Variants in MTHFD1L observed in about 807,000 individuals in gnomAD.
MTHFD1L encodes the protein methylenetetrahydrofolate dehydrogenase (NADP+ dependent) 1 like.
A neutral mutation model predicts 119.5 loss-of-function variants in MTHFD1L; 81 were observed. The observed-to-expected ratio is 0.68, with a 90% confidence interval of 0.57 to 0.82. The LOEUF (loss-of-function observed/expected upper bound fraction) is 0.82, where lower values mean the gene tolerates loss of function less well. Among genes scored for constraint, MTHFD1L ranks in the 40% least tolerant of loss-of-function variants. MTHFD1L has a pLI of 0.00. For missense variants in MTHFD1L, 1,125 were observed against 1,253.4 expected (o/e 0.90, Z 1.55); for synonymous variants, 430 against 475.2 (o/e 0.90, Z 1.24).
chr6:151,026,893 A>ATCTCAGCTCACTGCAG (rs1200532823), intron 24 of MTHFD1L, among the ~76,000 whole-genome samples: 4 of 125,052 alleles, frequency 3.2e-5, no homozygotes. Context: ...CAGTGGCACG[A>ATCTCAGCTCACTGCAG]TCTCAGCTCA....
At chr6:150,915,542 A>C (rs376365778) in intron 8 of MTHFD1L, among the ~76,000 whole-genome samples, 1 of 152,190 alleles carries the variant, frequency 6.6e-6, no homozygotes, top group African/African-American at 2.4e-5. Flanking sequence ...AAATTCTGGA[A>C]ATATGCATTT....
intron 24 of MTHFD1L, among the ~76,000 whole-genome samples, chr6:151,028,796 C>T (rs1409148336): frequency 6.6e-6 from 1 of 152,172 alleles, no homozygotes; most frequent in Non-Finnish European, 1.5e-5. Context: ...GTAAATTAGG[C>T]CAGGCATGGT....
At chr6:151,077,555 T>C (rs2145743) in intron 26 of MTHFD1L, among the ~76,000 whole-genome samples, 105,516 of 152,028 alleles carry the variant, frequency 0.69, 38,530 homozygotes, top group East Asian at 0.91. Context: ...GTGGCACGCA[T>C]CTGTAATCCT....
intron 18 of MTHFD1L, 36 bp downstream of exon 18, chr6:150,960,451 A>G (rs1796272247): frequency 6.3e-7 from 1 of 1,576,756 alleles, no homozygotes; most frequent in Non-Finnish European, 8.6e-7. Flanking sequence ...CAGGGAGTGG[A>G]CGGTCCTCGT....
At chr6:151,070,377 C>T (rs1449887186) in intron 26 of MTHFD1L, among the ~76,000 whole-genome samples, 1 of 152,212 alleles carries the variant, frequency 6.6e-6, no homozygotes, top group Admixed American at 6.5e-5. Flanking sequence ...AATCTAGATT[C>T]GGACACCATC....
At chr6:151,011,526 C>G (rs1782218481) in intron 21 of MTHFD1L, among the ~76,000 whole-genome samples, 1 of 152,196 alleles carries the variant, frequency 6.6e-6, no homozygotes, top group Non-Finnish European at 1.5e-5. Context: ...CAGTCCTGGT[C>G]TCTTGACATC....
rs139178739 is a variant in MTHFD1L at position 151,058,641 on chromosome 6, G to A, written c.2847+21524G>A. On this transcript the variant is annotated intron_variant, in intron 26 of 27. Coordinates refer to ENST00000367321, the MANE Select transcript of MTHFD1L (RefSeq NM_015440.5). ...GACAAGGGACAGCCATGGCTCAGGA[G>A]GGCCCACGCCACCCTCCTTTTCAAG... 2.8e-3 allele frequency among the ~76,000 whole-genome samples: 433 copies of A among 152,318 alleles called. 2 individuals carry two copies. The highest frequency in any genetic ancestry group is 1.0e-2 in the African/African-American group (414 of 41,580).
chr6:150,918,663 A>AT lies in MTHFD1L; in HGVS notation c.981dup (p.Gln328SerfsTer6), dbSNP rs761808631. ...GATTCTCCTTGCTGCAGCTCTGCGA[A>AT]TTCAGGTTTGTTCAACATAGCTGTC... is the stretch of plus-strand genomic sequence containing the variant. On this transcript the variant is annotated frameshift_variant, in exon 9 of 28. Transcript: ENST00000367321. LOFTEE classifies it high-confidence loss of function. The AT allele has an allele frequency of 4.3e-6, 7 of 1,613,530 alleles. No homozygotes were observed. Among genetic ancestry groups the AT allele is most frequent in the Non-Finnish European group, 5.9e-6 (7 of 1,179,560 alleles).
chr6:151,010,141 T>G (rs577141499), intron 21 of MTHFD1L, among the ~76,000 whole-genome samples, 183 bp downstream of exon 21: 11 of 152,344 alleles, frequency 7.2e-5, no homozygotes, highest in African/African-American at 2.4e-4. Flanking sequence ...TTGTGTTGTT[T>G]TTTGTTTTTT....
At chr6:151,096,079 A>C (rs961042999) in intron 27 of MTHFD1L, among the ~76,000 whole-genome samples, 1 of 152,212 alleles carries the variant, frequency 6.6e-6, no homozygotes, top group African/African-American at 2.4e-5. Context: ...TGCCCTTTTC[A>C]TTTCAGTCAC....
chr6:151,092,821 A>G lies in MTHFD1L; in HGVS notation c.*31+234A>G, dbSNP rs372196255. On this transcript the variant is annotated intron_variant, in intron 27 of 27. Coordinates refer to ENST00000367321, the MANE Select transcript of MTHFD1L (RefSeq NM_015440.5). Reference sequence around the variant, plus strand: ...CCCTTAGTGTCCTGCGCTCGAGTCCAGTGAAAGCCAAGTTATGTCATCCCT... The same window carrying G: ...CCCTTAGTGTCCTGCGCTCGAGTCCGGTGAAAGCCAAGTTATGTCATCCCT... Among the ~76,000 whole-genome samples the G allele has an allele frequency of 6.6e-5, 10 of 152,304 alleles. No individual in the cohort carries two copies. In the East Asian group the frequency reaches 1.3e-3, roughly 21 times the overall value.
chr6:151,092,708 A>G (rs988045424), intron 27 of MTHFD1L, 121 bp downstream of exon 27: 3 of 626,122 alleles, frequency 4.8e-6, no homozygotes, highest in Non-Finnish European at 8.2e-6. Context: ...TTCCTTTGTT[A>G]CTCAAATTCC....
chr6:151,091,275 T>C (rs1363047849), intron 26 of MTHFD1L, among the ~76,000 whole-genome samples: 11 of 145,132 alleles, frequency 7.6e-5, no homozygotes, highest in African/African-American at 3.2e-4. Flanking sequence ...CATTGCTCCA[T>C]GTGACTGGGT....
intron 26 of MTHFD1L, among the ~76,000 whole-genome samples, chr6:151,063,712 C>T (rs193105812): frequency 1.5e-4 from 23 of 152,196 alleles, no homozygotes; most frequent in Middle Eastern, 6.8e-3. Context: ...CTGTTGCAAA[C>T]TTATGCAAAT....
chr6:151,076,437 G>C (rs1409389373), intron 26 of MTHFD1L, among the ~76,000 whole-genome samples: 1 of 152,046 alleles, frequency 6.6e-6, no homozygotes, highest in Non-Finnish European at 1.5e-5. Flanking sequence ...ATCACTTGAG[G>C]TCAGGAGTTC....
intron 11 of MTHFD1L, among the ~76,000 whole-genome samples, chr6:150,932,196 A>G (rs1791173857): frequency 7.1e-6 from 1 of 140,494 alleles, no homozygotes; most frequent in Non-Finnish European, 1.5e-5. Flanking sequence ...GCATCATTCC[A>G]TTGTCAACCC....
At chr6:151,017,637 G>A (rs774478834) in intron 24 of MTHFD1L, among the ~76,000 whole-genome samples, 19 of 151,988 alleles carry the variant, frequency 1.3e-4, no homozygotes, top group Admixed American at 2.0e-4. Context: ...GAGCCACCGC[G>A]CCCGGCCAGA....
At chr6:151,022,781 T>C (rs906409950) in intron 24 of MTHFD1L, among the ~76,000 whole-genome samples, 1 of 152,202 alleles carries the variant, frequency 6.6e-6, no homozygotes, top group African/African-American at 2.4e-5. Context: ...GAGTGTTCTG[T>C]GGAAAGCTGG....
intron 11 of MTHFD1L, among the ~76,000 whole-genome samples, chr6:150,928,669 G>T (rs889059102): frequency 6.6e-6 from 1 of 151,380 alleles, no homozygotes; most frequent in Non-Finnish European, 1.5e-5. Context: ...AGCTTCCCAA[G>T]TAGCTGGGAT....
Sources: allele counts gnomAD v4.1 joint callset (sites outside exome capture counted in the v4.1 genomes callset), GRCh38; gene constraint gnomAD v4.1.1; transcripts MANE v1.5; gene names NCBI Gene and HGNC (gene_info 2026-07-23, HGNC 2026-07-21).